GAB2: variants seen among roughly 807,000 people sequenced by gnomAD.
The protein encoded by GAB2 is GRB2-associated-binding protein 2.
GAB2 carries 26 observed loss-of-function variants against 65.5 expected under a neutral mutation model. The observed-to-expected ratio is 0.40, with a 90% CI of 0.29 to 0.55. The LOEUF (loss-of-function observed/expected upper bound fraction) is 0.55. Among genes scored for constraint, GAB2 ranks in the 20% least tolerant of loss-of-function variants. GAB2 has a pLI of 0.53. For synonymous variants in GAB2, 321 were observed against 329.6 expected (o/e 0.97, Z 0.28); for missense variants, 884 against 875.8 (o/e 1.01, Z -0.12).
intron 2 of GAB2, among the ~76,000 whole-genome samples, chr11:78,276,587 G>T (rs1866177425): frequency 6.6e-6 from 1 of 152,090 alleles, no homozygotes; most frequent in African/African-American, 2.4e-5. Context: ...TGAGTACTCA[G>T]ACTCTACTGT....
chr11:78,408,776 G>A (rs4945275), intron 1 of GAB2, among the ~76,000 whole-genome samples: 46,135 of 151,856 alleles, frequency 0.3, 8,762 homozygotes, highest in African/African-American at 0.52. Context: ...TGGTTATTTA[G>A]AAGTGTGTAG....
intron 1 of GAB2, among the ~76,000 whole-genome samples, chr11:78,377,170 C>T (rs2134734459): frequency 6.6e-6 from 1 of 152,284 alleles, no homozygotes; most frequent in Middle Eastern, 3.4e-3. Flanking sequence ...TTAAATTATC[C>T]AGTCTCAGGT....
intron 1 of GAB2, among the ~76,000 whole-genome samples, chr11:78,322,797 T>TAAAAAA (rs34497179): frequency 8.5e-6 from 1 of 117,834 alleles, no homozygotes; most frequent in African/African-American, 3.1e-5. Context: ...TACTGAAAAG[T>TAAAAAA]AAAAAAAAAA....
chr11:78,407,646 A>AAAGAAAGT (rs1172559460), intron 1 of GAB2, among the ~76,000 whole-genome samples: 3 of 127,556 alleles, frequency 2.4e-5, no homozygotes, highest in East Asian at 3.0e-4. Context: ...AGAAAGAAAG[A>AAAGAAAGT]AAGAAAGAAA....
chr11:78,391,157 T>C lies in GAB2; in HGVS notation c.75+26489A>G, dbSNP rs80245152. On this transcript the variant is annotated intron_variant, in intron 1 of 9. Transcript: ENST00000361507. ...AAAATACAGAAAAATTAGCTGGATG[T>C]GGTGCCATGCACCTGTGGTCCCAGC... 3.5e-3 allele frequency among the ~76,000 whole-genome samples: 532 copies of C among 152,342 alleles called. 1 individual carries two copies. Among genetic ancestry groups the C allele is most frequent in the African/African-American group, 0.012 (505 of 41,574 alleles).
intron 1 of GAB2, among the ~76,000 whole-genome samples, chr11:78,386,958 A>C (rs1215768315): frequency 2.0e-5 from 3 of 152,228 alleles, no homozygotes; most frequent in Non-Finnish European, 4.4e-5. Context: ...TATTTCATAA[A>C]ATTGTACTTT....
chr11:78,402,300 T>C (rs1856983388), intron 1 of GAB2, among the ~76,000 whole-genome samples: 1 of 135,042 alleles, frequency 7.4e-6, no homozygotes, highest in South Asian at 2.1e-4. Context: ...AAGCCTTTGC[T>C]TTTTCTTCTC....
chr11:78,232,834 A>G (rs758974440), intron 3 of GAB2, among the ~76,000 whole-genome samples: 12 of 152,164 alleles, frequency 7.9e-5, no homozygotes, highest in Admixed American at 7.9e-4. Context: ...GGCAGGATGA[A>G]TGGGCTGATT....
chr11:78,407,722 A>AAAAG (rs3054215), intron 1 of GAB2, among the ~76,000 whole-genome samples: 22,289 of 143,806 alleles, frequency 0.15, 2,318 homozygotes, highest in East Asian at 0.41. Context: ...TTCCGTCCCA[A>AAAAG]AAAGAAAGAA....
chr11:78,394,345 A>G (rs534394554), intron 1 of GAB2, among the ~76,000 whole-genome samples: 15 of 152,188 alleles, frequency 9.9e-5, no homozygotes, highest in African/African-American at 3.6e-4. Context: ...TACCCCAACC[A>G]TGTGCTCCTG....
In GAB2 at chr11:78,380,455, C is replaced by T. The variant is rs1022765093; in HGVS notation, c.75+37191G>A. 5.3e-5 allele frequency among the ~76,000 whole-genome samples: 8 copies of T among 152,262 alleles called. No homozygotes were observed. In the East Asian group the frequency reaches 7.7e-4, roughly 15 times the overall value. On this transcript the variant is annotated intron_variant, in intron 1 of 9. Coordinates refer to ENST00000361507, the MANE Select transcript of GAB2 (RefSeq NM_080491.3). ...TCTTGACCGCGTGATCCGCCTGCCTCGGCCTCCCAAAGTGCTGGGATTACA... is the reference window on the plus strand; with the variant it reads ...TCTTGACCGCGTGATCCGCCTGCCTTGGCCTCCCAAAGTGCTGGGATTACA...
chr11:78,382,199 G>A (rs538324259), intron 1 of GAB2, among the ~76,000 whole-genome samples: 3 of 152,024 alleles, frequency 2.0e-5, no homozygotes, highest in South Asian at 4.2e-4. Context: ...TGTTTATGTC[G>A]GAATTGCAGC....
At chr11:78,408,855 C>T (rs529870031) in intron 1 of GAB2, among the ~76,000 whole-genome samples, 11 of 152,290 alleles carry the variant, frequency 7.2e-5, no homozygotes, top group East Asian at 3.9e-4. Context: ...CCTCACCTTC[C>T]GCCATGACTG....
intron 1 of GAB2, among the ~76,000 whole-genome samples, chr11:78,293,214 T>C (rs770427827): frequency 3.9e-5 from 6 of 152,234 alleles, no homozygotes; most frequent in Non-Finnish European, 7.3e-5. Flanking sequence ...CTCATTCATC[T>C]GAGAAAGGGC....
intron 1 of GAB2, among the ~76,000 whole-genome samples, chr11:78,406,359 A>C (rs1857044099): frequency 6.6e-6 from 1 of 151,390 alleles, no homozygotes; most frequent in Non-Finnish European, 1.5e-5. Flanking sequence ...ATCACAACAC[A>C]ATACAAAAAT....
intron 3 of GAB2, among the ~76,000 whole-genome samples, chr11:78,243,175 A>AG (rs1865190933): frequency 1.3e-5 from 2 of 151,776 alleles, no homozygotes; most frequent in East Asian, 3.9e-4. Context: ...AAAAAAAAAA[A>AG]GAAAAAAAAA....
chr11:78,372,607 CATGGT>C (rs1413444757), intron 1 of GAB2, among the ~76,000 whole-genome samples: 1 of 152,176 alleles, frequency 6.6e-6, no homozygotes, highest in African/African-American at 2.4e-5. Flanking sequence ...AATAGAGAGG[CATGGT>C]ATGTATAACC....
chr11:78,367,571 A>G lies in GAB2; in HGVS notation c.75+50075T>C, dbSNP rs146082237. Among the ~76,000 whole-genome samples, 1,356 of 152,328 alleles carry G rather than the reference A, an allele frequency of 8.9e-3. 22 individuals are homozygous for G. The highest frequency in any genetic ancestry group is 0.031 in the African/African-American group (1,289 of 41,568). ...ACGACTAATTAAAAGTGTTTAAAAC[A>G]CTGCAGGCCAAGCAAAACACTTTAT... is the stretch of plus-strand genomic sequence containing the variant. On this transcript the variant is annotated intron_variant, in intron 1 of 9. Transcript: ENST00000361507.
chr11:78,338,589 G>T (rs935399782), intron 1 of GAB2, among the ~76,000 whole-genome samples: 3 of 152,186 alleles, frequency 2.0e-5, no homozygotes, highest in African/African-American at 7.2e-5. Flanking sequence ...CGTGGCCAAG[G>T]TTATAAAGTA....
Sources: allele counts gnomAD v4.1 joint callset (sites outside exome capture counted in the v4.1 genomes callset), GRCh38; gene constraint gnomAD v4.1.1; transcripts MANE v1.5; gene names NCBI Gene and HGNC (gene_info 2026-07-23, HGNC 2026-07-21).